LEPR: variants seen among roughly 807,000 people sequenced by gnomAD.
LEPR encodes the protein OB receptor.
A neutral mutation model predicts 114.7 loss-of-function variants in LEPR; 56 were observed. The ratio of observed to expected loss-of-function variants is 0.49; its 90% CI spans 0.39 to 0.61. The LOEUF (loss-of-function observed/expected upper bound fraction) is 0.61. LEPR is among the 20% of genes least tolerant of loss of function. The pLI is 0.00. For missense variants in LEPR, 1,202 were observed against 1,352.9 expected, an observed-to-expected ratio of 0.89 and a Z score of 1.75; for synonymous variants, 443 against 461.4, an observed-to-expected ratio of 0.96 and a Z score of 0.51.
At chr1:65,502,905 G>A (rs1648530492) in intron 2 of LEPR, among the ~76,000 whole-genome samples, 1 of 151,284 alleles carries the variant, frequency 6.6e-6, no homozygotes, top group Non-Finnish European at 1.5e-5. Flanking sequence ...GAGCTACTGG[G>A]GACTAACTTG....
intron 1 of LEPR, chr1:65,421,352 A>T (rs1166777026): frequency 1.4e-5 from 21 of 1,535,770 alleles, no homozygotes; most frequent in Non-Finnish European, 1.7e-5. Context: ...TGTGTGTAGT[A>T]TGTGTTTTTT....
chr1:65,432,069 TAGG>T, intron 2 of LEPR: 1 of 1,349,624 alleles, frequency 7.4e-7, no homozygotes, highest in Non-Finnish European at 9.5e-7. Flanking sequence ...ACTTCATAAG[TAGG>T]AGATGAGTTT....
chr1:65,426,966 C>G (rs186074352), intron 2 of LEPR, among the ~76,000 whole-genome samples: 1 of 151,046 alleles, frequency 6.6e-6, no homozygotes, highest in Non-Finnish European at 1.5e-5. Context: ...CCACTGCACT[C>G]TAGCCTGGCG....
chr1:65,602,213 A>G lies in LEPR; in HGVS notation c.1403+253A>G, dbSNP rs780904585. 6.9e-4 allele frequency among the ~76,000 whole-genome samples: 105 copies of G among 152,182 alleles called. 1 individual carries two copies. The highest frequency in any genetic ancestry group is 1.2e-3 in the Non-Finnish European group (83 of 67,936). ...TCTGAAAATCAATCAATTCTGAAAA[A>G]TTTGTATTTTAACTCTTGAATGAAA... On this transcript the variant is annotated intron_variant, in intron 10 of 19. Transcript: ENST00000349533.
chr1:65,489,400 C>T (rs752289902), intron 2 of LEPR, among the ~76,000 whole-genome samples: 1 of 152,046 alleles, frequency 6.6e-6, no homozygotes, highest in Non-Finnish European at 1.5e-5. Context: ...TACCTGTTGG[C>T]CATCTGTATG....
rs1346976933 is a variant in LEPR at position 65,420,863 on chromosome 1, C to G, written c.-97+123C>G. 83 of 1,235,084 alleles carry G rather than the reference C, an allele frequency of 6.7e-5. 1 individual carries two copies. Among genetic ancestry groups the G allele is most frequent in the Non-Finnish European group, 8.6e-5 (75 of 874,434 alleles). 76.5% of individuals were successfully genotyped at this position (1,235,084 alleles called of 1,614,324 possible). A position where few individuals can be genotyped will look rare whatever the true frequency, so the allele number is the denominator to read the frequency against. ...GGCCTCACCACCCTTCCCGCCTCTC[C>G]GGTTCGGGAGGCGATCGACCGCTCC... On this transcript the variant is annotated intron_variant, in intron 1 of 19. Coordinates refer to ENST00000349533, the MANE Select transcript of LEPR (RefSeq NM_002303.6).
intron 2 of LEPR, among the ~76,000 whole-genome samples, chr1:65,554,146 C>T (rs1197709808): frequency 6.6e-6 from 1 of 152,138 alleles, no homozygotes; most frequent in South Asian, 2.1e-4. Context: ...TCTGTTGACC[C>T]CTGCTGGGAG....
chr1:65,446,577 G>A (rs138565872), intron 2 of LEPR, among the ~76,000 whole-genome samples: 1 of 152,182 alleles, frequency 6.6e-6, no homozygotes, highest in African/African-American at 2.4e-5. Flanking sequence ...TCTATCTTCA[G>A]TAAAATGTCT....
chr1:65,420,670 G>T lies in LEPR; in HGVS notation c.-167G>T. On this transcript the variant is annotated 5_prime_UTR_variant, in exon 1 of 20. Coordinates refer to ENST00000349533, the MANE Select transcript of LEPR (RefSeq NM_002303.6). ...GCGACTCCCGGTCTGGCTTGGGCAG[G>T]CTGCCCGGGCCGTGGCAGGAAGCCG... is the stretch of plus-strand genomic sequence containing the variant. The T allele has an allele frequency of 1.3e-6, 2 of 1,557,358 alleles. No homozygotes were observed. The highest frequency in any genetic ancestry group is 1.7e-6 in the Non-Finnish European group (2 of 1,151,734).
chr1:65,541,860 T>A (rs1422190523), intron 2 of LEPR, among the ~76,000 whole-genome samples: 1 of 152,216 alleles, frequency 6.6e-6, no homozygotes, highest in Non-Finnish European at 1.5e-5. Flanking sequence ...TCATAAACTT[T>A]CCTACACACT....
In LEPR at chr1:65,638,533, C is replaced by T. The variant is rs1658787650; in HGVS notation, c.*1518C>T. 6.6e-6 allele frequency: 1 copy of T among 152,104 alleles called. No individual in the cohort carries two copies. Among genetic ancestry groups the T allele is most frequent in the Admixed American group, 6.6e-5 (1 of 15,266 alleles). 9.4% of individuals were successfully genotyped at this position (152,104 alleles called of 1,614,324 possible). A position where few individuals can be genotyped will look rare whatever the true frequency, so the allele number is the denominator to read the frequency against. ...AAATTATCAGAATTTCATATTTAGA[C>T]CGAGACAAGAGACTCCCAATTTTAC... On this transcript the variant is annotated 3_prime_UTR_variant, in exon 20 of 20. Transcript: ENST00000349533.
chr1:65,500,898 T>C (rs192349176), intron 2 of LEPR, among the ~76,000 whole-genome samples: 5 of 152,276 alleles, frequency 3.3e-5, no homozygotes, highest in Admixed American at 3.3e-4. Context: ...CTATGAAGTC[T>C]TCCTGAATAC....
chr1:65,538,383 G>A (rs1351573475), intron 2 of LEPR, among the ~76,000 whole-genome samples: 1 of 151,998 alleles, frequency 6.6e-6, no homozygotes, highest in Admixed American at 6.6e-5. Context: ...ATCTGGACTA[G>A]TCATTTGAAA....
Position 65,621,446 on chromosome 1 carries a change from T to C in LEPR, c.2585T>C (p.Ile862Thr). 1.2e-6 allele frequency: 2 copies of C among 1,612,570 alleles called. No individual in the cohort carries two copies. Among genetic ancestry groups the C allele is most frequent in the Non-Finnish European group, 1.7e-6 (2 of 1,178,940 alleles). ...ATCTTATTGCTTGGAACATTATTAA[T>C]ATCACACCAAAGGTATTGTACTTGA... is the stretch of plus-strand genomic sequence containing the variant. ...SSILLLGTLL[I>T]SHQRMKKLFW... The change falls in exon 18 of 20, where the codon ATA becomes ACA. Residue 862 changes from isoleucine (I) to threonine (T), a missense_variant. Ile to Thr is a moderately conservative substitution (Grantham distance 89). Coordinates refer to ENST00000349533, the MANE Select transcript of LEPR (RefSeq NM_002303.6).
intron 2 of LEPR, among the ~76,000 whole-genome samples, chr1:65,510,447 C>T (rs1648971938): frequency 6.6e-6 from 1 of 152,152 alleles, no homozygotes; most frequent in Admixed American, 6.6e-5. Context: ...GACTCAGAAC[C>T]TAGGGCCAAG....
chr1:65,550,949 C>G (rs749976386), intron 2 of LEPR, among the ~76,000 whole-genome samples: 4 of 151,972 alleles, frequency 2.6e-5, no homozygotes, highest in Non-Finnish European at 5.9e-5. Flanking sequence ...TGTTCCTATT[C>G]GGCCACCTTG....
chr1:65,565,670 A>T (rs1014974219), intron 3 of LEPR, 65 bp downstream of exon 3: 117 of 1,562,886 alleles, frequency 7.5e-5, no homozygotes, highest in Non-Finnish European at 9.4e-5. Context: ...GCCTTTAGAG[A>T]TGCTGTTTTA....
chr1:65,470,011 A>T (rs1439067561), intron 2 of LEPR, among the ~76,000 whole-genome samples: 2 of 152,200 alleles, frequency 1.3e-5, no homozygotes, highest in East Asian at 3.8e-4. Flanking sequence ...CAACAAAATG[A>T]AAAGGCTTTA....
chr1:65,547,158 C>T (rs1193303517), intron 2 of LEPR, among the ~76,000 whole-genome samples: 2 of 151,270 alleles, frequency 1.3e-5, no homozygotes, highest in Non-Finnish European at 3.0e-5. Flanking sequence ...GGATGAAGCC[C>T]ACTTGATCAT....
Sources: allele counts gnomAD v4.1 joint callset (sites outside exome capture counted in the v4.1 genomes callset), GRCh38; gene constraint gnomAD v4.1.1; transcripts MANE v1.5; gene names NCBI Gene and HGNC (gene_info 2026-07-23, HGNC 2026-07-21).